Variants in PAX7 observed in about 807,000 individuals in gnomAD.
The protein encoded by PAX7 is paired box 7, also known as paired box protein Pax-7.
PAX7 carries 18 observed loss-of-function variants against 50.7 expected under a neutral mutation model. The ratio of observed to expected loss-of-function variants is 0.36; its 90% CI spans 0.25 to 0.53. The LOEUF (loss-of-function observed/expected upper bound fraction) is 0.53. PAX7 is among the 20% of genes least tolerant of loss of function. The probability of loss-of-function intolerance (pLI) is 0.93; values close to 1 mark genes in which losing one functional copy is unlikely to be tolerated. For synonymous variants in PAX7, 310 were observed against 290.4 expected, an observed-to-expected ratio of 1.07 and a Z score of -0.69; for missense variants, 644 against 702.9, an observed-to-expected ratio of 0.92 and a Z score of 0.95.
At chr1:18,640,482 G>C (rs1171131005) in intron 4 of PAX7, among the ~76,000 whole-genome samples, 1 of 151,886 alleles carries the variant, frequency 6.6e-6, no homozygotes, top group Non-Finnish European at 1.5e-5. Flanking sequence ...AGGGGCGGGG[G>C]CGGAGAGGGA....
chr1:18,642,921 G>C (rs958592766), intron 4 of PAX7, among the ~76,000 whole-genome samples: 13 of 151,750 alleles, frequency 8.6e-5, no homozygotes, highest in African/African-American at 3.1e-4. Flanking sequence ...ATGGGAAGGG[G>C]AGGGGCCTGG....
At chr1:18,681,369 T>C (rs2088897195) in intron 4 of PAX7, among the ~76,000 whole-genome samples, 1 of 152,064 alleles carries the variant, frequency 6.6e-6, no homozygotes, top group Non-Finnish European at 1.5e-5. Context: ...CCTCATGATA[T>C]CTTCAACTTC....
At chr1:18,646,515 G>A (rs925043199) in intron 4 of PAX7, among the ~76,000 whole-genome samples, 2 of 152,118 alleles carry the variant, frequency 1.3e-5, no homozygotes, top group Non-Finnish European at 2.9e-5. Context: ...GGCCGGGAAA[G>A]CGGTTTGGAA....
At position 18,726,497 on chromosome 1, in the gene PAX7, C is replaced by A. The variant is rs1276809428; in HGVS notation, c.1156-9135C>A. ...TGGGAATAAGACGCCAAGTCTGTCC[C>A]CAGGCAGCTCCTGGCCAAATCCAGG... On this transcript the variant is annotated intron_variant, in intron 7 of 8. Coordinates refer to ENST00000420770, the MANE Select transcript of PAX7 (RefSeq NM_001135254.2). This position sits in a 1 kb window ranked among gnomAD's most constrained non-coding sequence, Gnocchi z 4.8. Among the ~76,000 whole-genome samples the A allele has an allele frequency of 1.3e-5, 2 of 152,190 alleles. No homozygotes were observed.
chr1:18,651,040 G>A (rs1406086739), intron 4 of PAX7, among the ~76,000 whole-genome samples: 1 of 152,110 alleles, frequency 6.6e-6, no homozygotes, highest in Admixed American at 6.5e-5. Context: ...GTGCACGGAA[G>A]GACCCCTGGA....
At chr1:18,719,128 A>C (rs1205513458) in intron 7 of PAX7, among the ~76,000 whole-genome samples, 1 of 152,240 alleles carries the variant, frequency 6.6e-6, no homozygotes, top group Non-Finnish European at 1.5e-5. Flanking sequence ...AGGAGTTAGC[A>C]GGGCTTTTGA....
rs1283333173 is a variant in PAX7, at chr1:18,631,630, G to A, written c.27G>A (p.Pro9=). The A allele has an allele frequency of 1.2e-6, 2 of 1,613,078 alleles. No individual in the cohort carries two copies. The highest frequency in any genetic ancestry group is 1.1e-5 in the South Asian group (1 of 90,720). Residue 9 remains proline (P), a synonymous_variant, in exon 1 of 9, where the codon CCG becomes CCA. Coordinates refer to ENST00000420770, the MANE Select transcript of PAX7 (RefSeq NM_001135254.2). MAALPGTV[P]RMMRPAPGQN... is the part of the protein sequence containing the mutation. ...TGGCGGCCCTTCCCGGCACGGTACCGAGAATGATGCGGCCGGCTCCGGGGC... is the reference window on the plus strand; with the variant it reads ...TGGCGGCCCTTCCCGGCACGGTACCAAGAATGATGCGGCCGGCTCCGGGGC...
intron 4 of PAX7, among the ~76,000 whole-genome samples, chr1:18,638,143 T>G (rs1183532745): frequency 1.3e-5 from 2 of 152,214 alleles, no homozygotes; most frequent in South Asian, 4.1e-4. Context: ...CAGAGGAGGT[T>G]TGGTTTTCCT....
At chr1:18,732,427 A>G (rs1174556738) in intron 7 of PAX7, among the ~76,000 whole-genome samples, 4 of 152,230 alleles carry the variant, frequency 2.6e-5, no homozygotes, top group Admixed American at 6.5e-5. Context: ...CACTGGGACT[A>G]CAGAGACGGA....
At chr1:18,730,397 G>A (rs2089631689) in intron 7 of PAX7, among the ~76,000 whole-genome samples, 1 of 151,756 alleles carries the variant, frequency 6.6e-6, no homozygotes, top group Non-Finnish European at 1.5e-5. Context: ...CAGTGTAGAG[G>A]TGGGGCTCTG....
At chr1:18,743,321 A>G (rs1931248499) in intron 8 of PAX7, among the ~76,000 whole-genome samples, 1 of 152,212 alleles carries the variant, frequency 6.6e-6, no homozygotes. Context: ...CATTTGAACC[A>G]CTAGGCAATA....
chr1:18,632,901 T>C lies in PAX7; in HGVS notation c.85+1213T>C, dbSNP rs185787162. Reference sequence around the variant, plus strand: ...TGCAGTGGCACTCTCCTGTAGCGAATGCAAGTAAAACAGGCGGCTGAGGAC... The same window carrying C: ...TGCAGTGGCACTCTCCTGTAGCGAACGCAAGTAAAACAGGCGGCTGAGGAC... On this transcript the variant is annotated intron_variant, in intron 1 of 8. Coordinates refer to ENST00000420770, the MANE Select transcript of PAX7 (RefSeq NM_001135254.2). This position sits in a 1 kb window ranked among gnomAD's most constrained non-coding sequence, Gnocchi z 6.3. 6.6e-6 allele frequency among the ~76,000 whole-genome samples: 1 copy of C among 152,244 alleles called. No individual in the cohort carries two copies. The highest frequency in any genetic ancestry group is 1.9e-4 in the East Asian group (1 of 5,158).
intron 4 of PAX7, among the ~76,000 whole-genome samples, chr1:18,647,596 T>C (rs2088366369): frequency 6.6e-6 from 1 of 152,108 alleles, no homozygotes; most frequent in Non-Finnish European, 1.5e-5. Flanking sequence ...AGATCCTAGA[T>C]GTCCTCTTCT....
chr1:18,693,493 G>A (rs149587678), intron 5 of PAX7, among the ~76,000 whole-genome samples: 6 of 152,308 alleles, frequency 3.9e-5, no homozygotes, highest in African/African-American at 1.2e-4. Context: ...AAATGAACAA[G>A]CTGAGTCACA....
At chr1:18,635,314 G>A (rs1218490631) in intron 3 of PAX7, 74 bp downstream of exon 3, 3 of 1,543,156 alleles carry the variant, frequency 1.9e-6, no homozygotes, top group African/African-American at 1.4e-5. Context: ...CTGGAGGTGG[G>A]AGAGAGGGGA....
chr1:18,732,630 G>A (rs1279567609), intron 7 of PAX7, among the ~76,000 whole-genome samples: 2 of 152,218 alleles, frequency 1.3e-5, no homozygotes, highest in Non-Finnish European at 2.9e-5. Context: ...AAGGAGTTGG[G>A]ACAGGCAGCT....
intron 1 of PAX7, among the ~76,000 whole-genome samples, chr1:18,633,850 T>C (rs2088100045): frequency 6.6e-6 from 1 of 152,264 alleles, no homozygotes; most frequent in Non-Finnish European, 1.5e-5. Flanking sequence ...ACACCCGTTA[T>C]TGGCCTCTCC....
intron 4 of PAX7, among the ~76,000 whole-genome samples, chr1:18,657,115 C>T (rs868850906): frequency 2.0e-5 from 3 of 152,128 alleles, no homozygotes; most frequent in Non-Finnish European, 4.4e-5. Context: ...TTATTTCCCT[C>T]CCTATTCAAC....
intron 7 of PAX7, among the ~76,000 whole-genome samples, chr1:18,730,882 GGAGTAGAGGGA>G (rs2089637809): frequency 6.6e-6 from 1 of 151,734 alleles, no homozygotes; most frequent in African/African-American, 2.4e-5. Flanking sequence ...GGACTGATTT[GGAGTAGAGGGA>G]GAGGAAGGGG....
Sources: gnomAD v4.1 joint callset for allele counts (sites outside exome capture counted in the v4.1 genomes callset) on GRCh38, gnomAD v4.1.1 for gene constraint, Gnocchi (gnomAD v3.1) non-coding constraint, MANE v1.5 for transcripts, NCBI Gene and HGNC (gene_info 2026-07-23, HGNC 2026-07-21) for gene names.